The following IQSEC3 variants were observed in gnomAD, a reference collection of about 807,000 sequenced individuals.
IQSEC3 encodes IQ motif and Sec7 domain ArfGEF 3, also known as IQ motif and SEC7 domain-containing protein 3.
A neutral mutation model predicts 105.4 loss-of-function variants in IQSEC3; 50 were observed. The ratio of observed to expected loss-of-function variants is 0.47; its 90% CI spans 0.38 to 0.60. The LOEUF (loss-of-function observed/expected upper bound fraction) is 0.60, where lower values mean the gene tolerates loss of function less well. IQSEC3 is among the 20% of genes least tolerant of loss of function. IQSEC3 has a pLI of 0.00. For missense variants in IQSEC3, 1,415 were observed against 1,630.0 expected (o/e 0.87, Z 2.27); for synonymous variants, 708 against 746.0 (o/e 0.95, Z 0.83).
At chr12:155,031 G>T (rs1866640070) in intron 5 of IQSEC3, among the ~76,000 whole-genome samples, 1 of 152,168 alleles carries the variant, frequency 6.6e-6, no homozygotes, top group African/African-American at 2.4e-5. Context: ...TTGGTCACCA[G>T]CCCTGGACAG....
chr12:169,697 C>T (rs1555099716), intron 12 of IQSEC3, among the ~76,000 whole-genome samples: 2 of 152,210 alleles, frequency 1.3e-5, no homozygotes, highest in African/African-American at 4.8e-5. Context: ...GAGCTGGCCC[C>T]TCCTTTGGCC....
At chr12:134,243 A>G (rs1865686267) in intron 3 of IQSEC3, among the ~76,000 whole-genome samples, 1 of 152,264 alleles carries the variant, frequency 6.6e-6, no homozygotes, top group Non-Finnish European at 1.5e-5. Flanking sequence ...CTGTCCAAGC[A>G]TTGGAGGAGA....
intron 1 of IQSEC3, among the ~76,000 whole-genome samples, chr12:97,682 G>A (rs782120750): frequency 5.3e-5 from 8 of 152,116 alleles, no homozygotes; most frequent in Admixed American, 2.6e-4. Context: ...TGAGCCTGGT[G>A]GCACATGCCT....
At position 130,933 on chromosome 12, in the gene IQSEC3, TG is replaced by T. The variant is rs552573381; in HGVS notation, c.903+5024del. Among the ~76,000 whole-genome samples the T allele has an allele frequency of 7.4e-5, 11 of 149,612 alleles. No individual in the cohort carries two copies. In the East Asian group the frequency reaches 2.0e-3, roughly 28 times the overall value. On this transcript the variant is annotated intron_variant, in intron 3 of 13. Coordinates refer to ENST00000538872, the MANE Select transcript of IQSEC3 (RefSeq NM_001170738.2). ...CATGCTGTGCTTTCATGGTCTCAAC[TG>T]GGAAGTCTTGGATGGGAACAAACCC...
chr12:97,620 G>T (rs1864279474), intron 1 of IQSEC3, among the ~76,000 whole-genome samples: 1 of 152,194 alleles, frequency 6.6e-6, no homozygotes, highest in Non-Finnish European at 1.5e-5. Flanking sequence ...TTCGAGACCA[G>T]GCTGGGCAAC....
rs1020639273 is a variant in IQSEC3, at chr12:152,158, C to T, written c.2154-4867C>T. ...GCTGAAAGAGTCAACCAGCCACTGC[C>T]ACAGGGCACAAAAAGCACCAGAAAG... On this transcript the variant is annotated intron_variant, in intron 5 of 13. Transcript: ENST00000538872. The surrounding 1 kb of genome is among the most constrained non-coding windows in gnomAD (Gnocchi z 4.8). 1.3e-5 allele frequency among the ~76,000 whole-genome samples: 2 copies of T among 152,090 alleles called. No homozygotes were observed. The highest frequency in any genetic ancestry group is 4.8e-5 in the African/African-American group (2 of 41,412).
intron 9 of IQSEC3, among the ~76,000 whole-genome samples, chr12:164,030 G>A (rs1337050781): frequency 6.6e-6 from 1 of 152,238 alleles, no homozygotes; most frequent in Non-Finnish European, 1.5e-5. Flanking sequence ...GCTGGTGTGT[G>A]TGTGTGCGTG....
intron 13 of IQSEC3, among the ~76,000 whole-genome samples, chr12:173,595 G>A (rs1591763691): frequency 1.3e-5 from 2 of 152,188 alleles, no homozygotes; most frequent in South Asian, 4.1e-4. Context: ...GGTGCTGCCC[G>A]AGGACAGATG....
intron 2 of IQSEC3, among the ~76,000 whole-genome samples, chr12:109,210 C>T (rs1278500431): frequency 6.6e-6 from 1 of 152,224 alleles, no homozygotes; most frequent in Non-Finnish European, 1.5e-5. Flanking sequence ...GAATTCTGGC[C>T]TCTGACAAAG....
intron 13 of IQSEC3, among the ~76,000 whole-genome samples, chr12:171,862 C>T (rs149476690): frequency 1.5e-3 from 228 of 152,226 alleles, no homozygotes; most frequent in Non-Finnish European, 2.5e-3. Flanking sequence ...GGGAGGCTGC[C>T]CATTTGGCTC....
chr12:157,803 G>C, intron 7 of IQSEC3, 109 bp downstream of exon 7: 2 of 1,259,494 alleles, frequency 1.6e-6, no homozygotes, highest in Non-Finnish European at 2.2e-6. Flanking sequence ...GTCACCTGCT[G>C]TCTGGGCCTG....
At position 96,094 on chromosome 12, in the gene IQSEC3, G is replaced by A. The variant is rs541599280; in HGVS notation, c.555-3052G>A. ...AGCTTTGTTTTATACGTTTTAGGGG[G>A]ACATGAGACATCAGTGACTTATGTA... On this transcript the variant is annotated intron_variant, in intron 1 of 13. Transcript: ENST00000538872. Among the ~76,000 whole-genome samples the A allele has an allele frequency of 2.0e-4, 30 of 152,290 alleles. No homozygotes were observed. The South Asian group carries it at 6.0e-3, about 31-fold the overall frequency.
chr12:170,989 C>A, intron 12 of IQSEC3, 123 bp from the exon 13 acceptor site: 1 of 1,193,828 alleles, frequency 8.4e-7, no homozygotes, highest in Non-Finnish European at 1.2e-6. Context: ...TCCCAACCTC[C>A]GCCTCAGTGA....
chr12:140,830 A>AG (rs771296684), intron 4 of IQSEC3: 20 of 355,776 alleles, frequency 5.6e-5, no homozygotes, highest in Non-Finnish European at 8.1e-5. Context: ...GGATATGGGT[A>AG]GGGGGAAGGG....
intron 11 of IQSEC3, chr12:166,922 A>G (rs1277463438): frequency 1.3e-5 from 2 of 152,226 alleles, no homozygotes; most frequent in East Asian, 3.8e-4. Flanking sequence ...CCGCGTGTCC[A>G]GGTCGCGCAT....
At chr12:154,160 C>T (rs556125804) in intron 5 of IQSEC3, among the ~76,000 whole-genome samples, 272 of 152,344 alleles carry the variant, frequency 1.8e-3, no homozygotes, top group Non-Finnish European at 2.3e-3. Context: ...GCTGCTTCCC[C>T]CATCCCGGTC....
intron 3 of IQSEC3, among the ~76,000 whole-genome samples, chr12:135,528 T>A (rs931070322): frequency 3.3e-5 from 5 of 152,162 alleles, no homozygotes; most frequent in South Asian, 2.1e-4. Context: ...TCCTATATAA[T>A]CCCCTTCCCT....
intron 1 of IQSEC3, among the ~76,000 whole-genome samples, chr12:95,391 T>C (rs1054373373): frequency 6.6e-6 from 1 of 152,240 alleles, no homozygotes; most frequent in Non-Finnish European, 1.5e-5. Flanking sequence ...AGATAAACAT[T>C]GCCCATGATC....
chr12:78,434 C>T (rs1863632439), intron 1 of IQSEC3, among the ~76,000 whole-genome samples: 1 of 151,586 alleles, frequency 6.6e-6, no homozygotes, highest in Non-Finnish European at 1.5e-5. Flanking sequence ...GGGATGAGGA[C>T]GGTGACACCG....
Sources: gnomAD v4.1 joint callset for allele counts (sites outside exome capture counted in the v4.1 genomes callset) on GRCh38, gnomAD v4.1.1 for gene constraint, Gnocchi (gnomAD v3.1) non-coding constraint, MANE v1.5 for transcripts, NCBI Gene and HGNC (gene_info 2026-07-23, HGNC 2026-07-21) for gene names.